Variants in TENM2 observed in about 807,000 individuals in gnomAD.
The protein encoded by TENM2 is teneurin-2.
A neutral mutation model predicts 245.2 loss-of-function variants in TENM2; 52 were observed. That is an observed-to-expected ratio of 0.21 (90% confidence interval 0.17 to 0.27). The LOEUF is 0.27. TENM2 is among the 10% of genes least tolerant of loss of function. The pLI, the probability that TENM2 is intolerant of heterozygous loss-of-function variation, is 1.00. For synonymous variants in TENM2, 1,363 were observed against 1,438.9 expected (o/e 0.95, Z 1.19); for missense variants, 3,046 against 3,666.8 (o/e 0.83, Z 4.37).
intron 19 of TENM2, among the ~76,000 whole-genome samples, chr5:168,206,815 GA>G (rs1366733631): frequency 1.3e-5 from 2 of 151,816 alleles, no homozygotes; most frequent in Non-Finnish European, 2.9e-5. Context: ...TTGCCTATAG[GA>G]AAAAAGGGTG....
chr5:167,779,608 T>C (rs1341720471), intron 2 of TENM2, among the ~76,000 whole-genome samples: 4 of 152,250 alleles, frequency 2.6e-5, no homozygotes, highest in African/African-American at 9.6e-5. Flanking sequence ...TTTGTAGTCT[T>C]GGCACTCACT....
At chr5:167,175,146 C>T in the TENM2 span, among the ~76,000 whole-genome samples, 4 of 152,132 alleles carry the variant, frequency 2.6e-5, no homozygotes, top group African/African-American at 7.2e-5. Context: ...AAGGGAACAC[C>T]GACATCCCTA....
At chr5:168,009,474 T>C (rs1785064095) in intron 5 of TENM2, among the ~76,000 whole-genome samples, 1 of 152,204 alleles carries the variant, frequency 6.6e-6, no homozygotes, top group African/African-American at 2.4e-5. Context: ...CAGAGAGGGC[T>C]AGACATCAGG....
chr5:167,723,789 G>A (rs905579093), intron 2 of TENM2, among the ~76,000 whole-genome samples: 4 of 152,212 alleles, frequency 2.6e-5, no homozygotes, highest in Admixed American at 6.5e-5. Flanking sequence ...TGTAGTAGGT[G>A]CTCAAGTAAA....
intron 2 of TENM2, among the ~76,000 whole-genome samples, chr5:167,641,692 A>C (rs1333768899): frequency 6.6e-6 from 1 of 152,098 alleles, no homozygotes; most frequent in African/African-American, 2.4e-5. Flanking sequence ...TTCACTTAGA[A>C]CTCACTGAAC....
At chr5:167,214,995 T>A in the TENM2 span, among the ~76,000 whole-genome samples, 2 of 152,222 alleles carry the variant, frequency 1.3e-5, no homozygotes, top group African/African-American at 4.8e-5. Context: ...CCTTCTTTCC[T>A]AGATTATTTA....
At chr5:167,600,656 C>T (rs73382909) in intron 2 of TENM2, among the ~76,000 whole-genome samples, 7,086 of 152,186 alleles carry the variant, frequency 0.047, 406 homozygotes, top group East Asian at 0.15. Flanking sequence ...TTCTCTAGGG[C>T]CTCAGAGGCA....
intron 1 of TENM2, among the ~76,000 whole-genome samples, chr5:167,286,885 T>C (rs1018753125): frequency 6.6e-6 from 1 of 152,224 alleles, no homozygotes; most frequent in African/African-American, 2.4e-5. Flanking sequence ...TTATTCTTCC[T>C]GTTTAGTCTT....
chr5:167,135,916 G>T, the TENM2 span, among the ~76,000 whole-genome samples: 1 of 152,174 alleles, frequency 6.6e-6, no homozygotes, highest in African/African-American at 2.4e-5. Context: ...ACAAGGTAAA[G>T]AAATTGATTT....
intron 7 of TENM2, among the ~76,000 whole-genome samples, chr5:168,070,633 A>T (rs996607664): frequency 6.6e-6 from 1 of 150,740 alleles, no homozygotes; most frequent in Non-Finnish European, 1.5e-5. Context: ...AAAAAAAAAA[A>T]AATTAATTAT....
At chr5:167,397,427 G>T (rs999299461) in intron 2 of TENM2, among the ~76,000 whole-genome samples, 3 of 152,084 alleles carry the variant, frequency 2.0e-5, no homozygotes, top group Non-Finnish European at 4.4e-5. Flanking sequence ...GAAAGAAAAT[G>T]ATAGTGAAAT....
chr5:167,976,422 G>C (rs1372270875), intron 4 of TENM2, among the ~76,000 whole-genome samples: 1 of 152,108 alleles, frequency 6.6e-6, no homozygotes, highest in Non-Finnish European at 1.5e-5. Flanking sequence ...TGATATTTAA[G>C]TATTAGGTTT....
the TENM2 span, among the ~76,000 whole-genome samples, chr5:167,022,807 A>G: frequency 1.3e-5 from 2 of 152,066 alleles, no homozygotes; most frequent in Non-Finnish European, 2.9e-5. Context: ...ACACTAATTT[A>G]TCTCACTGTC....
chr5:168,186,854 G>T (rs1383232527), intron 13 of TENM2: 3 of 152,190 alleles, frequency 2.0e-5, no homozygotes, highest in Non-Finnish European at 4.4e-5. Flanking sequence ...CAGTGACAGG[G>T]TAATTTACTG....
chr5:167,437,777 AT>A (rs1764649829), intron 2 of TENM2, among the ~76,000 whole-genome samples: 1 of 152,062 alleles, frequency 6.6e-6, no homozygotes, highest in Non-Finnish European at 1.5e-5. Flanking sequence ...GGACAAACCC[AT>A]TTCTCTTGAT....
At chr5:167,283,640 GC>G (rs1411873868), upstream of TENM2, among the ~76,000 whole-genome samples, 1 of 152,226 alleles carries the variant, frequency 6.6e-6, no homozygotes, top group Non-Finnish European at 1.5e-5. Context: ...GAGGCAGTGA[GC>G]AACAGTAGCC....
intron 2 of TENM2, among the ~76,000 whole-genome samples, chr5:167,643,857 A>T (rs544188333): frequency 1.3e-5 from 2 of 152,242 alleles, no homozygotes; most frequent in Non-Finnish European, 2.9e-5. Context: ...AAGTAATGCA[A>T]TTGAGTTAAA....
intron 2 of TENM2, among the ~76,000 whole-genome samples, chr5:167,432,052 A>C (rs914848793): frequency 1.3e-5 from 2 of 148,694 alleles, no homozygotes; most frequent in African/African-American, 5.0e-5. Context: ...GGTCAAGATA[A>C]GAGAAAAATA....
chr5:167,961,726 T>C (rs1781025792), intron 4 of TENM2, among the ~76,000 whole-genome samples: 1 of 152,200 alleles, frequency 6.6e-6, no homozygotes. Flanking sequence ...ATGCAGAATC[T>C]AGGGATAGAG....
Sources: allele counts gnomAD v4.1 joint callset (sites outside exome capture counted in the v4.1 genomes callset), GRCh38; gene constraint gnomAD v4.1.1; transcripts MANE v1.5; gene names NCBI Gene and HGNC (gene_info 2026-07-23, HGNC 2026-07-21).